The following TMEM108 variants were observed in gnomAD, a reference collection of about 807,000 sequenced individuals.
TMEM108 encodes the protein transmembrane protein 108, also known as cancer/testis antigen 124.
Under a neutral mutation model 35.1 loss-of-function variants are expected in TMEM108, and 12 were observed. That is an observed-to-expected ratio of 0.34 (90% CI 0.22 to 0.55). The LOEUF (loss-of-function observed/expected upper bound fraction) is 0.55. Ranked by LOEUF, TMEM108 falls within the 20% of genes least tolerant of loss-of-function variation. The probability of loss-of-function intolerance (pLI) is 0.89; values close to 1 mark genes in which losing one functional copy is unlikely to be tolerated. For missense variants in TMEM108, 680 were observed against 753.3 expected, an observed-to-expected ratio of 0.90 and a Z score of 1.14; for synonymous variants, 287 against 308.6, an observed-to-expected ratio of 0.93 and a Z score of 0.73.
At chr3:133,345,094 G>A (rs1353955357) in intron 3 of TMEM108, among the ~76,000 whole-genome samples, 1 of 151,724 alleles carries the variant, frequency 6.6e-6, no homozygotes, top group Non-Finnish European at 1.5e-5. Flanking sequence ...ATGTAACCGA[G>A]TTTCCAAAGC....
intron 2 of TMEM108, among the ~76,000 whole-genome samples, chr3:133,175,487 T>C (rs1347948789): frequency 1.3e-5 from 2 of 152,164 alleles, no homozygotes; most frequent in Admixed American, 1.3e-4. Context: ...GCAGAAACTC[T>C]ACAAGCCAGA....
intron 2 of TMEM108, among the ~76,000 whole-genome samples, chr3:133,097,333 G>A (rs75478553): frequency 0.031 from 4,695 of 152,304 alleles, 130 homozygotes; most frequent in South Asian, 0.065. Flanking sequence ...TAGATGTCTG[G>A]TGATGAAAAC....
chr3:133,396,022 C>G lies in TMEM108; in HGVS notation c.*36C>G. The G allele has an allele frequency of 6.8e-7, 1 of 1,475,370 alleles. No homozygotes were observed. Among genetic ancestry groups the G allele is most frequent in the East Asian group, 2.6e-5 (1 of 38,760 alleles). 91.4% of individuals were successfully genotyped at this position (1,475,370 alleles called of 1,614,324 possible). On this transcript the variant is annotated 3_prime_UTR_variant, in exon 6 of 6. Coordinates refer to ENST00000321871, the MANE Select transcript of TMEM108 (RefSeq NM_023943.4). ...CATCACTTTGCCATTCCGTATTTTT[C>G]GTCTCTAAATTATAAATATACAAAT...
intron 3 of TMEM108, among the ~76,000 whole-genome samples, chr3:133,322,737 T>C (rs2071282200): frequency 6.6e-6 from 1 of 151,880 alleles, no homozygotes; most frequent in South Asian, 2.1e-4. Flanking sequence ...CAGACCAATA[T>C]CCCTGGTGAA....
intron 2 of TMEM108, among the ~76,000 whole-genome samples, chr3:133,116,522 G>A (rs1359686298): frequency 6.6e-6 from 1 of 151,914 alleles, no homozygotes; most frequent in Non-Finnish European, 1.5e-5. Flanking sequence ...AATGGGGGAG[G>A]CATATTACAT....
intron 3 of TMEM108, among the ~76,000 whole-genome samples, chr3:133,364,859 C>A (rs558468143): frequency 6.6e-6 from 1 of 152,326 alleles, no homozygotes; most frequent in South Asian, 2.1e-4. Context: ...TCAACACCTT[C>A]AGGAAAGTAA....
chr3:133,242,649 G>A (rs1946329792), intron 3 of TMEM108, among the ~76,000 whole-genome samples: 1 of 152,214 alleles, frequency 6.6e-6, no homozygotes, highest in South Asian at 2.1e-4. Context: ...GGTGCTCAGG[G>A]TCTCTCCTGC....
chr3:133,239,007 T>C lies in TMEM108; in HGVS notation c.40+9656T>C, dbSNP rs546126939. 6.6e-5 allele frequency among the ~76,000 whole-genome samples: 10 copies of C among 152,294 alleles called. No individual in the cohort carries two copies. The South Asian group carries it at 2.1e-3, about 32-fold the overall frequency. ...GTCTTCCCTTGTGTTTTACACTGCT[T>C]GGTCACAGCCTTCATGGACAGTGAT... On this transcript the variant is annotated intron_variant, in intron 3 of 5. Transcript: ENST00000321871.
At chr3:133,102,824 G>A (rs1236912845) in intron 2 of TMEM108, among the ~76,000 whole-genome samples, 2 of 151,844 alleles carry the variant, frequency 1.3e-5, no homozygotes, top group East Asian at 3.9e-4. Context: ...GAAATGAGAG[G>A]GCATGTGAAA....
chr3:133,299,261 A>C (rs746684255), intron 3 of TMEM108, among the ~76,000 whole-genome samples: 3 of 152,200 alleles, frequency 2.0e-5, no homozygotes, highest in African/African-American at 7.2e-5. Flanking sequence ...TTATTTCAGT[A>C]GGGAAATAAA....
chr3:133,255,318 C>T (rs749701790), intron 3 of TMEM108, among the ~76,000 whole-genome samples: 6 of 151,982 alleles, frequency 3.9e-5, no homozygotes, highest in Non-Finnish European at 5.9e-5. Flanking sequence ...GATTATGAGA[C>T]GATAGACTAC....
At chr3:133,310,751 T>C (rs953681792) in intron 3 of TMEM108, among the ~76,000 whole-genome samples, 4 of 152,066 alleles carry the variant, frequency 2.6e-5, no homozygotes, top group Non-Finnish European at 4.4e-5. Flanking sequence ...ATGTGTGAAT[T>C]TGATGTTGTC....
intron 3 of TMEM108, among the ~76,000 whole-genome samples, chr3:133,306,436 A>G (rs1277995112): frequency 6.6e-6 from 1 of 152,124 alleles, no homozygotes; most frequent in African/African-American, 2.4e-5. Context: ...TTCCATAGGT[A>G]TACATGTGCC....
At chr3:133,178,877 A>G (rs1231065080) in intron 2 of TMEM108, among the ~76,000 whole-genome samples, 3 of 152,320 alleles carry the variant, frequency 2.0e-5, no homozygotes, top group East Asian at 1.9e-4. Flanking sequence ...CAGGCAACCT[A>G]CAGAATGGGA....
chr3:133,140,223 A>C (rs1183048422), intron 2 of TMEM108, among the ~76,000 whole-genome samples: 2 of 152,154 alleles, frequency 1.3e-5, no homozygotes, highest in African/African-American at 2.4e-5. Flanking sequence ...ATAATTTATA[A>C]GTTTTCTTTA....
At chr3:133,319,748 C>T (rs2071242834) in intron 3 of TMEM108, among the ~76,000 whole-genome samples, 1 of 152,136 alleles carries the variant, frequency 6.6e-6, no homozygotes. Flanking sequence ...CCTGGTAGCC[C>T]CACTGGGTTG....
chr3:133,282,064 G>A (rs894967893), intron 3 of TMEM108, among the ~76,000 whole-genome samples: 11 of 152,174 alleles, frequency 7.2e-5, no homozygotes, highest in African/African-American at 2.2e-4. Flanking sequence ...GGCTGAGGCA[G>A]GAGAATGGTG....
chr3:133,144,361 C>G (rs1344738314), intron 2 of TMEM108, among the ~76,000 whole-genome samples: 1 of 152,106 alleles, frequency 6.6e-6, no homozygotes, highest in Non-Finnish European at 1.5e-5. Context: ...TTTTCTTTAT[C>G]CAGTCTATCA....
At chr3:133,198,982 G>A (rs914437677) in intron 2 of TMEM108, among the ~76,000 whole-genome samples, 3 of 152,080 alleles carry the variant, frequency 2.0e-5, no homozygotes, top group African/African-American at 7.2e-5. Context: ...TGGAGGCTTC[G>A]TTTCTTTTTA....
Sources: gnomAD v4.1 joint callset for allele counts (sites outside exome capture counted in the v4.1 genomes callset) on GRCh38, gnomAD v4.1.1 for gene constraint, MANE v1.5 for transcripts, NCBI Gene and HGNC (gene_info 2026-07-23, HGNC 2026-07-21) for gene names.